The following GRM8 variants were observed in gnomAD, a reference collection of about 807,000 sequenced individuals.
The protein encoded by GRM8 is metabotropic glutamate receptor 8.
In GRM8, 47 loss-of-function variants were observed where a neutral mutation model predicts 87.2. The observed-to-expected ratio is 0.54, with a 90% CI of 0.43 to 0.69. The LOEUF is 0.69. Among genes scored for constraint, GRM8 ranks in the 30% least tolerant of loss-of-function variants. The pLI is 0.00. For missense variants in GRM8, 1,019 were observed against 1,139.2 expected (o/e 0.89, Z 1.52); for synonymous variants, 396 against 404.5 (o/e 0.98, Z 0.25).
intron 2 of GRM8, among the ~76,000 whole-genome samples, chr7:127,167,010 T>C (rs189056093): frequency 2.0e-5 from 3 of 152,258 alleles, no homozygotes; most frequent in Admixed American, 1.3e-4. Flanking sequence ...TTGAATTAAA[T>C]TGAAAGTTTC....
chr7:127,141,730 T>G (rs2299539), intron 2 of GRM8, among the ~76,000 whole-genome samples: 1 of 152,086 alleles, frequency 6.6e-6, no homozygotes. Flanking sequence ...TTTCAGCATC[T>G]GTATGGAGAA....
intron 3 of GRM8, among the ~76,000 whole-genome samples, chr7:126,907,028 TC>T (rs1381401419): frequency 6.6e-6 from 1 of 151,548 alleles, no homozygotes; most frequent in Non-Finnish European, 1.5e-5. Context: ...TGTGGGTAAC[TC>T]AGGCTTAATG....
intron 6 of GRM8, among the ~76,000 whole-genome samples, chr7:126,804,739 G>A (rs1792487558): frequency 6.6e-6 from 1 of 152,188 alleles, no homozygotes. Context: ...ACTTGGTTGT[G>A]GTAGTTGGTA....
intron 3 of GRM8, among the ~76,000 whole-genome samples, chr7:126,934,744 G>A (rs1022502994): frequency 3.3e-5 from 5 of 152,150 alleles, no homozygotes; most frequent in Admixed American, 1.3e-4. Flanking sequence ...ATATTACTTA[G>A]CATAAATCTC....
rs78529841 is a variant in GRM8 at position 126,606,722 on chromosome 7, T to C, written c.1494+2640A>G. Among the ~76,000 whole-genome samples, 78 of 152,360 alleles carry C rather than the reference T, an allele frequency of 5.1e-4. 1 individual carries two copies. The highest frequency in any genetic ancestry group is 3.9e-3 in the Admixed American group (60 of 15,300). ...TAAAACCCGCAACGCTATCTAGTTATAAATGATCATAATCATGCATGAGAA... is the reference window on the plus strand; with the variant it reads ...TAAAACCCGCAACGCTATCTAGTTACAAATGATCATAATCATGCATGAGAA... On this transcript the variant is annotated intron_variant, in intron 8 of 10. Coordinates refer to ENST00000339582, the MANE Select transcript of GRM8 (RefSeq NM_000845.3).
At chr7:126,565,521 G>T (rs1489574643) in intron 8 of GRM8, among the ~76,000 whole-genome samples, 1 of 151,846 alleles carries the variant, frequency 6.6e-6, no homozygotes, top group Non-Finnish European at 1.5e-5. Context: ...GAAAATTAAA[G>T]AATATTGATG....
At chr7:126,464,372 G>A (rs2150529876) in intron 9 of GRM8, among the ~76,000 whole-genome samples, 1 of 151,460 alleles carries the variant, frequency 6.6e-6, no homozygotes, top group African/African-American at 2.4e-5. Flanking sequence ...GTGGGCAACA[G>A]ATCATTGGGT....
At chr7:126,684,461 T>A (rs542657082) in intron 7 of GRM8, among the ~76,000 whole-genome samples, 1 of 152,296 alleles carries the variant, frequency 6.6e-6, no homozygotes, top group East Asian at 1.9e-4. Context: ...GACAGAGGTG[T>A]CCTCAAGGAA....
intron 3 of GRM8, among the ~76,000 whole-genome samples, chr7:126,959,629 C>T (rs1340640151): frequency 6.6e-6 from 1 of 152,150 alleles, no homozygotes; most frequent in Non-Finnish European, 1.5e-5. Context: ...CTAAAACTCA[C>T]CTGCAAAAAT....
intron 6 of GRM8, among the ~76,000 whole-genome samples, chr7:126,777,587 C>T (rs1302403153): frequency 2.0e-5 from 3 of 152,100 alleles, no homozygotes. Flanking sequence ...AGGTTCTCTA[C>T]ATGTAATGTG....
At chr7:126,919,132 A>G (rs1180491835) in intron 3 of GRM8, among the ~76,000 whole-genome samples, 1 of 152,116 alleles carries the variant, frequency 6.6e-6, no homozygotes, top group East Asian at 1.9e-4. Context: ...GCACTCGTTC[A>G]AGTTCACTCA....
chr7:126,549,521 GAA>G (rs1387151100), intron 8 of GRM8, among the ~76,000 whole-genome samples: 3 of 152,000 alleles, frequency 2.0e-5, no homozygotes, highest in Non-Finnish European at 2.9e-5. Context: ...GTGACTTACT[GAA>G]AAGTTATTAT....
At chr7:127,244,456 T>C (rs1207239460) in intron 1 of GRM8, among the ~76,000 whole-genome samples, 1 of 152,198 alleles carries the variant, frequency 6.6e-6, no homozygotes, top group Non-Finnish European at 1.5e-5. Flanking sequence ...AAGATTTTTT[T>C]CAAACGACTT....
At chr7:127,029,744 G>C (rs1349263429) in intron 3 of GRM8, among the ~76,000 whole-genome samples, 1 of 151,698 alleles carries the variant, frequency 6.6e-6, no homozygotes, top group Non-Finnish European at 1.5e-5. Flanking sequence ...ATTTGAGATG[G>C]GTCTCCTGAA....
chr7:126,531,043 T>C (rs537567235), intron 9 of GRM8, among the ~76,000 whole-genome samples: 1 of 152,276 alleles, frequency 6.6e-6, no homozygotes, highest in East Asian at 1.9e-4. Flanking sequence ...TTTTATGTAT[T>C]GTCTTGAATA....
intron 7 of GRM8, among the ~76,000 whole-genome samples, chr7:126,669,833 TG>T (rs1433230159): frequency 4.6e-5 from 7 of 152,222 alleles, no homozygotes; most frequent in Admixed American, 4.6e-4. Flanking sequence ...TAAGAAGGCA[TG>T]GAAATATAAA....
At chr7:126,808,833 G>A (rs11983585) in intron 6 of GRM8, among the ~76,000 whole-genome samples, 3,367 of 152,242 alleles carry the variant, frequency 0.022, 131 homozygotes, top group African/African-American at 0.077. Context: ...GCTCTGGTAT[G>A]TCTTTGCCTC....
rs569974481 is a variant in GRM8 at position 127,039,266 on chromosome 7, C to T, written c.727+67230G>A. ...ATAAGTTAAAATGCAGTCATTATGA[C>T]GGGCCCAGTCCAATAGGACTGGTGT... On this transcript the variant is annotated intron_variant, in intron 3 of 10. Transcript: ENST00000339582. Among the ~76,000 whole-genome samples the T allele has an allele frequency of 7.9e-5, 12 of 152,106 alleles. No homozygotes were observed. The East Asian group carries it at 9.7e-4, about 12-fold the overall frequency.
rs79361869 is a variant in GRM8, at chr7:126,847,746, T to G, written c.1156+54796A>C. 5.2e-3 allele frequency among the ~76,000 whole-genome samples: 798 copies of G among 152,312 alleles called. 4 individuals are homozygous for G. Among genetic ancestry groups the G allele is most frequent in the South Asian group, 0.024 (114 of 4,828 alleles). ...ACCTAACTCAGAAGTTAGGCAACTT[T>G]GCATCTGTTTTGATCACAAGCCTTC... On this transcript the variant is annotated intron_variant, in intron 6 of 10. Transcript: ENST00000339582.
Sources: gnomAD v4.1 joint callset for allele counts (sites outside exome capture counted in the v4.1 genomes callset) on GRCh38, gnomAD v4.1.1 for gene constraint, MANE v1.5 for transcripts, NCBI Gene and HGNC (gene_info 2026-07-23, HGNC 2026-07-21) for gene names.